TPCN2: variants seen among roughly 807,000 people sequenced by gnomAD.
TPCN2 encodes two pore segment channel 2, also known as two pore channel protein 2.
A neutral mutation model predicts 111.4 loss-of-function variants in TPCN2; 92 were observed. That is an observed-to-expected ratio of 0.83 (90% CI 0.70 to 0.98). The LOEUF (loss-of-function observed/expected upper bound fraction) is 0.98, where lower values mean the gene tolerates loss of function less well. Among genes scored for constraint, TPCN2 ranks in the 50% least tolerant of loss-of-function variants. The probability of loss-of-function intolerance (pLI) is 0.00; values close to 1 mark genes in which losing one functional copy is unlikely to be tolerated. For synonymous variants in TPCN2, 405 were observed against 414.5 expected (o/e 0.98, Z 0.28); for missense variants, 995 against 980.1 (o/e 1.02, Z -0.20).
At chr11:69,051,637 C>T (rs896014628) in intron 1 of TPCN2, among the ~76,000 whole-genome samples, 1 of 152,218 alleles carries the variant, frequency 6.6e-6, no homozygotes, top group African/African-American at 2.4e-5. Flanking sequence ...AGCATCTCAG[C>T]CCCTGCTGTC....
Position 69,079,005 on chromosome 11 carries a change from C to A in TPCN2, c.1524C>A (p.Leu508=). ...CCAGCAACGTGTTTGACGGGCTCCT[C>A]ACCGTTGTCCTGCTGGTAAAGTAGG... ...SYPSNVFDGL[L]TVVLLVLEIS... is the part of the protein sequence containing the mutation. The change falls in exon 16 of 25, where the codon CTC becomes CTA. Residue 508 remains leucine, a synonymous_variant. Transcript: ENST00000294309. 1 of 1,611,656 alleles carries A rather than the reference C, an allele frequency of 6.2e-7. No individual in the cohort carries two copies. Among genetic ancestry groups the A allele is most frequent in the Non-Finnish European group, 8.5e-7 (1 of 1,178,736 alleles).
At chr11:69,059,509 G>A (rs1336982848) in intron 5 of TPCN2, among the ~76,000 whole-genome samples, 1 of 152,242 alleles carries the variant, frequency 6.6e-6, no homozygotes, top group Non-Finnish European at 1.5e-5. Flanking sequence ...GGGAGAGACA[G>A]CCCCGCCAAG....
Position 69,055,978 on chromosome 11 carries a change from G to A in TPCN2, c.429+626G>A, listed in dbSNP as rs542501960. Reference sequence around the variant, plus strand: ...GCATGTTTGACTCTGGGTTCTGCCTGTGACGCACGTCCTCCCACAAGCTGG... The same window carrying A: ...GCATGTTTGACTCTGGGTTCTGCCTATGACGCACGTCCTCCCACAAGCTGG... On this transcript the variant is annotated intron_variant, in intron 4 of 24. Coordinates refer to ENST00000294309, the MANE Select transcript of TPCN2 (RefSeq NM_139075.4). Among the ~76,000 whole-genome samples, 20 of 152,372 alleles carry A rather than the reference G, an allele frequency of 1.3e-4. No homozygotes were observed. The South Asian group carries it at 4.1e-3, about 32-fold the overall frequency.
intron 6 of TPCN2, 100 bp downstream of exon 6, chr11:69,063,090 C>T (rs1855095329): frequency 1.9e-6 from 2 of 1,026,006 alleles, no homozygotes; most frequent in Non-Finnish European, 3.0e-6. Context: ...TCATCTTGGA[C>T]TGCGTGCTCC....
chr11:69,049,032 T>A lies in TPCN2; in HGVS notation c.35T>A (p.Leu12Gln). Residue 12 changes from leucine (L) to glutamine (Q), a missense_variant, in exon 1 of 25, where the codon CTG becomes CAG. Physicochemically the swap from Leu to Gln is moderately radical, Grantham distance 113. Transcript: ENST00000294309. The part of the protein sequence containing the change: ...AEPQAESEPL[L>Q]GGARGGGGDW... ...CCCCAGGCGGAGTCGGAGCCCCTGCTGGGCGGGGCCCGCGGCGGTGGCGGC... is the reference window on the plus strand; with the variant it reads ...CCCCAGGCGGAGTCGGAGCCCCTGCAGGGCGGGGCCCGCGGCGGTGGCGGC... 1.6e-6 allele frequency: 2 copies of A among 1,241,552 alleles called. No homozygotes were observed. The highest frequency in any genetic ancestry group is 2.0e-6 in the Non-Finnish European group (2 of 988,452). The allele number at this position is 1,241,552 out of a possible 1,614,324, so 76.9% of individuals were successfully genotyped here.
rs1360306875 is a variant in TPCN2 at position 69,054,733 on chromosome 11, A to C, written c.187A>C (p.Asn63His). 6.2e-7 allele frequency: 1 copy of C among 1,613,924 alleles called. No individual in the cohort carries two copies. Among genetic ancestry groups the C allele is most frequent in the African/African-American group, 1.3e-5 (1 of 74,896 alleles). ...IEDAIQYRSI[N>H]HRVDASSMWL... ...TTTTCGCTTGTAGTACCGCTCCATC[A>C]ACCACCGGGTGGATGCCAGCTCGAT... The change falls in exon 3 of 25, where the codon AAC (asparagine) becomes CAC (histidine). Residue 63 changes from asparagine (N) to histidine (H), a missense_variant. Coordinates refer to ENST00000294309, the MANE Select transcript of TPCN2 (RefSeq NM_139075.4).
At chr11:69,087,796 C>T (rs1349257840) in intron 24 of TPCN2, 79 bp from the exon 25 acceptor site, 9 of 1,193,092 alleles carry the variant, frequency 7.5e-6, no homozygotes, top group African/African-American at 1.5e-5. Flanking sequence ...TTGCTAAGCT[C>T]TGCTCCCTTG....
In TPCN2 at chr11:69,054,062, G is replaced by A; in HGVS notation, c.139G>A (p.Asp47Asn). The change falls in exon 2 of 25, where the codon GAT (aspartate) becomes AAT (asparagine). Residue 47 changes from aspartate to asparagine, a missense_variant. Coordinates refer to ENST00000294309, the MANE Select transcript of TPCN2 (RefSeq NM_139075.4). ...GAAARWDLCI[D>N]QAVVFIEDAI... is the part of the protein sequence containing the mutation. Reference sequence around the variant, plus strand: ...CGCGGCCAGGTGGGACCTCTGCATTGATCAGGCTGTGGTCTTCATCGAAGA... The same window carrying A: ...CGCGGCCAGGTGGGACCTCTGCATTAATCAGGCTGTGGTCTTCATCGAAGA... 2 of 1,613,866 alleles carry A rather than the reference G, an allele frequency of 1.2e-6. No homozygotes were observed. Among genetic ancestry groups the A allele is most frequent in the Non-Finnish European group, 1.7e-6 (2 of 1,179,986 alleles).
chr11:69,050,179 C>G (rs1409475894), intron 1 of TPCN2, among the ~76,000 whole-genome samples: 3 of 152,224 alleles, frequency 2.0e-5, no homozygotes, highest in Non-Finnish European at 4.4e-5. Context: ...CTGCTCACCT[C>G]AGAAGCTGCC....
chr11:69,085,892 G>A lies in TPCN2; in HGVS notation c.1965G>A (p.Trp655Ter). 1.9e-6 allele frequency: 3 copies of A among 1,614,206 alleles called. No homozygotes were observed. Among genetic ancestry groups the A allele is most frequent in the South Asian group, 2.2e-5 (2 of 91,090 alleles). The stretch of plus-strand genomic sequence containing the variant: ...GGAACTTGATGGTGGTGAACAACTG[G>A]CAGGTGTTTCTGGATGCATATCGGC... ...TLWNLMVVNN[W>*]QVFLDAYRRY... is the part of the protein sequence containing the mutation. The change falls in exon 22 of 25, where the codon TGG becomes TGA. Residue 655 changes from tryptophan to a stop codon, truncating the protein, a stop_gained. Transcript: ENST00000294309. LOFTEE classifies it high-confidence loss of function.
In TPCN2 at chr11:69,085,672, C is replaced by T. The variant is rs946128147; in HGVS notation, c.1840C>T (p.Leu614=). ...VIVALPGNSS[L]APANGSAPCG... ...ACCCAGGTGTGTTGTGTTCCCCAGC[C>T]TGGCCCCTGCCAATGGCTCGGCGCC... Residue 614 remains leucine, a splice_region_variant and synonymous_variant, in exon 21 of 25, where the codon CTG becomes TTG. Transcript: ENST00000294309. 3 of 1,609,742 alleles carry T rather than the reference C, an allele frequency of 1.9e-6. No homozygotes were observed. Among genetic ancestry groups the T allele is most frequent in the African/African-American group, 2.7e-5 (2 of 74,866 alleles).
rs112524756 is a variant in TPCN2 at position 69,085,205 on chromosome 11, G to A, written c.1762-5G>A. The A allele has an allele frequency of 2.8e-5, 45 of 1,613,808 alleles. No individual in the cohort carries two copies. Among genetic ancestry groups the A allele is most frequent in the Admixed American group, 2.0e-4 (12 of 60,004 alleles). ...CTGATCAGTCCCCGGCTCCTGGCCC[G>A]CCAGGTGGTCTACTACGTATTTGCC... On this transcript the variant is annotated splice_region_variant and splice_polypyrimidine_tract_variant and intron_variant, in intron 19 of 24. Transcript: ENST00000294309.
chr11:69,062,629 G>A (rs556051615), intron 5 of TPCN2, among the ~76,000 whole-genome samples: 95 of 152,198 alleles, frequency 6.2e-4, no homozygotes, highest in Middle Eastern at 6.8e-3. Context: ...TAGGATTGGG[G>A]AACCTGTGTG....
At chr11:69,058,028 G>A (rs1268956704) in intron 5 of TPCN2, among the ~76,000 whole-genome samples, 3 of 152,206 alleles carry the variant, frequency 2.0e-5, no homozygotes, top group Admixed American at 1.3e-4. Flanking sequence ...GGATGAGAGC[G>A]CCACACCAGG....
At position 69,088,061 on chromosome 11, in the gene TPCN2, C is replaced by A; in HGVS notation, c.*108C>A. 1.0e-6 allele frequency: 1 copy of A among 953,874 alleles called. No individual in the cohort carries two copies. The highest frequency in any genetic ancestry group is 1.5e-6 in the Non-Finnish European group (1 of 647,584). 59.1% of individuals were successfully genotyped at this position (953,874 alleles called of 1,614,324 possible). ...CTGTGGCCAGCCAGGCAGGAAGAGA[C>A]CTTTCCTCTGACGGACCACTAAGCT... On this transcript the variant is annotated 3_prime_UTR_variant, in exon 25 of 25. Transcript: ENST00000294309.
At chr11:69,087,028 G>A in intron 23 of TPCN2, 84 bp from the exon 24 acceptor site, 2 of 1,224,576 alleles carry the variant, frequency 1.6e-6, no homozygotes, top group Non-Finnish European at 2.4e-6. Flanking sequence ...GGTGCCCTGT[G>A]GCTGACCCTG....
In TPCN2 at chr11:69,088,223, G is replaced by T. The variant is rs1856355234; in HGVS notation, c.*270G>T. The T allele has an allele frequency of 2.2e-6, 1 of 448,722 alleles. No individual in the cohort carries two copies. The highest frequency in any genetic ancestry group is 2.0e-5 in the African/African-American group (1 of 50,854). The allele number at this position is 448,722 out of a possible 1,614,324, so 27.8% of individuals were successfully genotyped here. On this transcript the variant is annotated 3_prime_UTR_variant, in exon 25 of 25. Coordinates refer to ENST00000294309, the MANE Select transcript of TPCN2 (RefSeq NM_139075.4). ...AGAATTCCCTCGTCGACTCCACAGG[G>T]ACCTTTCAGACAAAAATGCAAGAAG... is the stretch of plus-strand genomic sequence containing the variant.
chr11:69,049,435 G>C lies in TPCN2; in HGVS notation c.109+329G>C, dbSNP rs1029926154. Among the ~76,000 whole-genome samples, 47 of 152,354 alleles carry C rather than the reference G, an allele frequency of 3.1e-4. 1 individual carries two copies. The highest frequency in any genetic ancestry group is 1.1e-3 in the African/African-American group (46 of 41,590). ...TGCGGCAGGCACCCTCCGTGTGCCC[G>C]GGCGGGCCCAGACCCCATACTTCCC... On this transcript the variant is annotated intron_variant, in intron 1 of 24. Transcript: ENST00000294309.
intron 18 of TPCN2, among the ~76,000 whole-genome samples, chr11:69,083,697 G>A (rs545163737): frequency 1.3e-5 from 2 of 152,148 alleles, no homozygotes; most frequent in Admixed American, 1.3e-4. Flanking sequence ...AAGCGTGTGC[G>A]AATGCGTGTG....
Sources: gnomAD v4.1 joint callset for allele counts (sites outside exome capture counted in the v4.1 genomes callset) on GRCh38, gnomAD v4.1.1 for gene constraint, MANE v1.5 for transcripts, NCBI Gene and HGNC (gene_info 2026-07-23, HGNC 2026-07-21) for gene names.